PTPRF: variants seen among roughly 807,000 people sequenced by gnomAD.
PTPRF encodes receptor-type tyrosine-protein phosphatase F.
Under a neutral mutation model 201.8 loss-of-function variants are expected in PTPRF, and 59 were observed. The ratio of observed to expected loss-of-function variants is 0.29; its 90% CI spans 0.24 to 0.36. PTPRF has a LOEUF of 0.36. PTPRF is among the 10% of genes least tolerant of loss of function. PTPRF has a pLI of 1.00. For missense variants in PTPRF, 2,132 were observed against 2,690.5 expected (o/e 0.79, Z 4.59); for synonymous variants, 1,088 against 1,089.7 (o/e 1.00, Z 0.03).
At position 43,621,876 on chromosome 1, in the gene PTPRF, C is replaced by T. The variant is rs564109036; in HGVS notation, c.5656-59C>T. On this transcript the variant is annotated intron_variant, in intron 33 of 33. Coordinates refer to ENST00000359947, the MANE Select transcript of PTPRF (RefSeq NM_002840.5). ...TCCATGGCTGCAGTGTGAGTGTCAG[C>T]TGTGTAGTGGGGGTGTCCACTGGCG... is the stretch of plus-strand genomic sequence containing the variant. The T allele has an allele frequency of 5.2e-5, 80 of 1,525,450 alleles. No individual in the cohort carries two copies. The South Asian group carries it at 8.3e-4, about 16-fold the overall frequency. The allele number at this position is 1,525,450 out of a possible 1,614,324, so 94.5% of individuals were successfully genotyped here.
upstream of PTPRF, among the ~76,000 whole-genome samples, chr1:43,529,507 C>T (rs1201007645): frequency 1.3e-5 from 2 of 152,202 alleles, no homozygotes; most frequent in Admixed American, 1.3e-4. Context: ...ACAGGGTTAT[C>T]AGAAAGACCC....
At position 43,613,710 on chromosome 1, in the gene PTPRF, T is replaced by C. The variant is rs1657044928; in HGVS notation, c.4066T>C (p.Tyr1356His). Reference protein sequence around the residue: ...ANDGLKFSQEYESIDPGQQFT... With the variant: ...ANDGLKFSQEHESIDPGQQFT... Reference sequence around the variant, plus strand: ...CGATGGCCTCAAGTTCTCCCAGGAGTATGAGGTGAGATGTTCCCGCCCCCT... The same window carrying C: ...CGATGGCCTCAAGTTCTCCCAGGAGCATGAGGTGAGATGTTCCCGCCCCCT... The change falls in exon 23 of 34, where the codon TAT becomes CAT. Residue 1356 changes from tyrosine (Y) to histidine (H), a missense_variant. Transcript: ENST00000359947. 1 of 1,612,880 alleles carries C rather than the reference T, an allele frequency of 6.2e-7. No homozygotes were observed. The highest frequency in any genetic ancestry group is 8.5e-7 in the Non-Finnish European group (1 of 1,179,358).
intron 30 of PTPRF, 32 bp downstream of exon 30, chr1:43,620,253 C>A: frequency 6.2e-7 from 1 of 1,611,440 alleles, no homozygotes; most frequent in South Asian, 1.1e-5. Context: ...GGGCCCCTGT[C>A]ATACCTGGGA....
At chr1:43,531,643 G>C (rs984098376) in intron 1 of PTPRF, among the ~76,000 whole-genome samples, 8 of 149,812 alleles carry the variant, frequency 5.3e-5, no homozygotes, top group Admixed American at 5.3e-4. Flanking sequence ...GTGCGGTCCC[G>C]GGCTGCGCCG....
intron 3 of PTPRF, among the ~76,000 whole-genome samples, chr1:43,551,695 G>A (rs1325806008): frequency 6.6e-6 from 1 of 152,142 alleles, no homozygotes; most frequent in Non-Finnish European, 1.5e-5. Context: ...CTCTTAAATG[G>A]GGATAATAAT....
intron 3 of PTPRF, among the ~76,000 whole-genome samples, chr1:43,549,736 T>C (rs902655079): frequency 1.6e-4 from 24 of 151,916 alleles, no homozygotes; most frequent in African/African-American, 5.3e-4. Flanking sequence ...GCACCTGTGG[T>C]CCCAGCTACT....
Position 43,606,368 on chromosome 1 carries a change from G to A in PTPRF, c.3612G>A (p.Lys1204=), listed in dbSNP as rs1018260007. Reference sequence around the variant, plus strand: ...AGACCTTTACCTTGGGGGACAAGAAGAACTACCGGGGCTTCTACAACCGGC... The same window carrying A: ...AGACCTTTACCTTGGGGGACAAGAAAAACTACCGGGGCTTCTACAACCGGC... ...LPETFTLGDK[K]NYRGFYNRPL... The change falls in exon 20 of 34, where the codon AAG becomes AAA. Residue 1204 remains lysine (K), a synonymous_variant. Coordinates refer to ENST00000359947, the MANE Select transcript of PTPRF (RefSeq NM_002840.5). The A allele has an allele frequency of 1.9e-6, 3 of 1,614,186 alleles. No homozygotes were observed. Among genetic ancestry groups the A allele is most frequent in the Non-Finnish European group, 2.5e-6 (3 of 1,180,016 alleles).
At chr1:43,595,745 G>T (rs192968346) in intron 11 of PTPRF, among the ~76,000 whole-genome samples, 33 of 152,080 alleles carry the variant, frequency 2.2e-4, no homozygotes, top group Non-Finnish European at 4.4e-4. Context: ...ATGCAAGTAC[G>T]GTGGGGGGGT....
At chr1:43,557,681 C>T (rs1410201610) in intron 5 of PTPRF, among the ~76,000 whole-genome samples, 1 of 150,558 alleles carries the variant, frequency 6.6e-6, no homozygotes, top group African/African-American at 2.4e-5. Context: ...CGTTTGGTTT[C>T]TCTACCAGGG....
chr1:43,551,727 C>A (rs143290017), intron 3 of PTPRF, among the ~76,000 whole-genome samples: 8 of 152,154 alleles, frequency 5.3e-5, no homozygotes, highest in Admixed American at 5.2e-4. Flanking sequence ...TATGGGATTG[C>A]GGTAAGACTG....
intron 30 of PTPRF, 37 bp from the exon 31 acceptor site, chr1:43,620,417 C>T (rs1658928492): frequency 6.3e-7 from 1 of 1,584,666 alleles, no homozygotes; most frequent in Admixed American, 1.7e-5. Context: ...CCTATTCCTT[C>T]TCACCTGATT....
intron 5 of PTPRF, among the ~76,000 whole-genome samples, chr1:43,556,590 G>A (rs975385257): frequency 6.6e-6 from 1 of 152,180 alleles, no homozygotes; most frequent in Non-Finnish European, 1.5e-5. Flanking sequence ...GTATGAGTCC[G>A]TGGGCTCTAC....
chr1:43,556,899 C>T (rs1028248447), intron 5 of PTPRF, among the ~76,000 whole-genome samples: 1 of 152,226 alleles, frequency 6.6e-6, no homozygotes, highest in Admixed American at 6.5e-5. Flanking sequence ...CCACTGCCTG[C>T]TCCCACGGGG....
chr1:43,525,308 A>C (rs1643064273), upstream of PTPRF: 1 of 152,632 alleles, frequency 6.6e-6, no homozygotes, highest in South Asian at 2.1e-4. Flanking sequence ...CCAGCGTGGG[A>C]TGCTTAGAAA....
chr1:43,574,641 A>G (rs887900759), intron 6 of PTPRF, among the ~76,000 whole-genome samples: 2 of 152,240 alleles, frequency 1.3e-5, no homozygotes, highest in African/African-American at 4.8e-5. Context: ...ATTTCTTAGT[A>G]TTATGAAAAC....
rs1645149166 is a variant in PTPRF at position 43,553,323 on chromosome 1, A to G, written c.92-169A>G. On this transcript the variant is annotated intron_variant, in intron 3 of 33. Transcript: ENST00000359947. This position sits in a 1 kb window ranked among gnomAD's most constrained non-coding sequence, Gnocchi z 4.1. ...CTCATATGCTTAACAGAGTTAAAAAATGTTAAACTCTCTGAACAGTGCCTG... is the reference window on the plus strand; with the variant it reads ...CTCATATGCTTAACAGAGTTAAAAAGTGTTAAACTCTCTGAACAGTGCCTG... Among the ~76,000 whole-genome samples the G allele has an allele frequency of 6.6e-6, 1 of 152,238 alleles. No individual in the cohort carries two copies. The highest frequency in any genetic ancestry group is 1.5e-5 in the Non-Finnish European group (1 of 68,046).
chr1:43,620,860 G>T lies in PTPRF; in HGVS notation c.5387G>T (p.Arg1796Leu), dbSNP rs768967831. Residue 1796 changes from arginine to leucine, a missense_variant, in exon 32 of 34, where the codon CGG (arginine) becomes CTG (leucine). Around this residue, in one of 6 missense-constraint regions of PTPRF, gnomAD observed 519 missense variants for 659.5 expected, o/e 0.79. Coordinates refer to ENST00000359947, the MANE Select transcript of PTPRF (RefSeq NM_002840.5). ...DARDGQSRTI[R>L]QFQFTDWPEQ... ...CAGGATGGGCAGTCAAGGACAATCC[G>T]GCAGTTCCAGTTCACAGACTGGCCA... 6.2e-7 allele frequency: 1 copy of T among 1,613,322 alleles called. No homozygotes were observed. The highest frequency in any genetic ancestry group is 8.5e-7 in the Non-Finnish European group (1 of 1,179,488).
intron 23 of PTPRF, among the ~76,000 whole-genome samples, chr1:43,616,387 T>A (rs1353111091): frequency 1.3e-5 from 2 of 151,610 alleles, no homozygotes; most frequent in Non-Finnish European, 2.9e-5. Context: ...AGCAGGAAAT[T>A]GATATTCACA....
At position 43,606,857 on chromosome 1, in the gene PTPRF, A is replaced by G. The variant is rs779846237; in HGVS notation, c.3746A>G (p.Gln1249Arg). The change falls in exon 21 of 34, where the codon CAG becomes CGG. Residue 1249 changes from glutamine to arginine, a missense_variant. By Grantham distance (43) the Gln-to-Arg change is conservative. Transcript: ENST00000359947. The part of the protein sequence containing the change: ...SSPYSDEIVV[Q>R]VTPAQQQEEP... ...CCCTACTCGGATGAGATCGTGGTCCAGGTGACACCAGCCCAGCAGCAGGAG... is the reference window on the plus strand; with the variant it reads ...CCCTACTCGGATGAGATCGTGGTCCGGGTGACACCAGCCCAGCAGCAGGAG... The G allele has an allele frequency of 4.3e-6, 7 of 1,614,140 alleles. No homozygotes were observed. In the South Asian group the frequency reaches 5.5e-5, roughly 13 times the overall value.
Sources: gnomAD v4.1 joint callset for allele counts (sites outside exome capture counted in the v4.1 genomes callset) on GRCh38, gnomAD v4.1.1 for gene constraint, gnomAD v4.1.1 regional missense constraint, Gnocchi (gnomAD v3.1) non-coding constraint, MANE v1.5 for transcripts, NCBI Gene and HGNC (gene_info 2026-07-23, HGNC 2026-07-21) for gene names.